Variants in CHRNA7 observed in about 807,000 individuals in gnomAD.
The protein encoded by CHRNA7 is cholinergic receptor nicotinic alpha 7 subunit, also known as neuronal acetylcholine receptor subunit alpha-7.
A neutral mutation model predicts 48.0 loss-of-function variants in CHRNA7; 17 were observed. That is an observed-to-expected ratio of 0.35 (90% CI 0.24 to 0.53). The LOEUF (loss-of-function observed/expected upper bound fraction) is 0.53. Among genes scored for constraint, CHRNA7 ranks in the 20% least tolerant of loss-of-function variants. The pLI is 0.92. For missense variants in CHRNA7, 155 were observed against 577.7 expected, an observed-to-expected ratio of 0.27 and a Z score of 7.50; for synonymous variants, 75 against 242.3, an observed-to-expected ratio of 0.31 and a Z score of 6.41.
chr15:32,134,898 G>A (rs887711947), intron 4 of CHRNA7, among the ~76,000 whole-genome samples: 1 of 152,356 alleles, frequency 6.6e-6, no homozygotes, highest in Middle Eastern at 3.4e-3. Flanking sequence ...GCAGTTTCCT[G>A]CGTGAATCAT....
chr15:32,110,579 G>A (rs527466997), intron 3 of CHRNA7, among the ~76,000 whole-genome samples: 16 of 152,296 alleles, frequency 1.1e-4, no homozygotes, highest in African/African-American at 3.4e-4. Flanking sequence ...CTCAGAGAAT[G>A]GTTGGTCTGG....
chr15:32,152,392 G>A (rs761510881), intron 4 of CHRNA7, among the ~76,000 whole-genome samples: 2 of 152,146 alleles, frequency 1.3e-5, no homozygotes, highest in African/African-American at 2.4e-5. Flanking sequence ...GCAGTGAGCC[G>A]AGATCGTGCC....
chr15:32,071,308 A>G (rs991439801), intron 2 of CHRNA7, among the ~76,000 whole-genome samples: 1 of 152,260 alleles, frequency 6.6e-6, no homozygotes, highest in African/African-American at 2.4e-5. Flanking sequence ...TATATCAACA[A>G]ATATATTACA....
chr15:32,102,146 G>A (rs569066624), intron 3 of CHRNA7: 18 of 152,008 alleles, frequency 1.2e-4, no homozygotes, highest in South Asian at 1.0e-3. Flanking sequence ...TTGTTTGTTC[G>A]TTTGTTTGTT....
chr15:32,086,123 A>G (rs534517268), intron 2 of CHRNA7, among the ~76,000 whole-genome samples: 2 of 152,238 alleles, frequency 1.3e-5, no homozygotes, highest in East Asian at 3.9e-4. Flanking sequence ...TAATCCCAGC[A>G]CTTTGGGAGG....
intron 3 of CHRNA7, chr15:32,101,764 A>G (rs1439638734): frequency 1.2e-5 from 2 of 166,034 alleles, no homozygotes; most frequent in Non-Finnish European, 2.6e-5. Flanking sequence ...AGGCCCTCGT[A>G]CTTTGTGCTC....
At position 32,138,307 on chromosome 15, in the gene CHRNA7, TTAGA is replaced by T. The variant is rs376846316; in HGVS notation, c.351-15594_351-15591del. On this transcript the variant is annotated intron_variant, in intron 4 of 9. Coordinates refer to ENST00000306901, the MANE Select transcript of CHRNA7 (RefSeq NM_000746.6). ...AATTTTATGCCAAAATTTTGGAAAC[TTAGA>T]TAGATTTAATATTTTCTAGAAAAAT... Among the ~76,000 whole-genome samples the T allele has an allele frequency of 2.4e-3, 370 of 152,176 alleles. 7 individuals are homozygous for T. Among genetic ancestry groups the T allele is most frequent in the African/African-American group, 8.3e-3 (343 of 41,508 alleles).
intron 2 of CHRNA7, chr15:32,099,680 T>C (rs943728271): frequency 6.6e-6 from 1 of 152,218 alleles, no homozygotes; most frequent in African/African-American, 2.4e-5. Flanking sequence ...CCTTAATAAG[T>C]TGAGGCAACA....
At chr15:32,099,320 G>A (rs2050530125) in intron 2 of CHRNA7, 1 of 152,306 alleles carries the variant, frequency 6.6e-6, no homozygotes, top group African/African-American at 2.4e-5. Flanking sequence ...AGATTGTTCT[G>A]GGAGCATGGT....
chr15:32,045,979 C>A (rs1475683947), intron 2 of CHRNA7, among the ~76,000 whole-genome samples: 1 of 151,292 alleles, frequency 6.6e-6, no homozygotes, highest in Non-Finnish European at 1.5e-5. Flanking sequence ...TCATCCATGT[C>A]CCTACAAAGG....
intron 2 of CHRNA7, among the ~76,000 whole-genome samples, chr15:32,082,812 G>C (rs2050236643): frequency 6.6e-6 from 1 of 152,074 alleles, no homozygotes; most frequent in Non-Finnish European, 1.5e-5. Context: ...AATGATCACT[G>C]TTTTTTAGTA....
chr15:32,128,658 T>G (rs1402574365), intron 4 of CHRNA7, among the ~76,000 whole-genome samples: 1 of 151,816 alleles, frequency 6.6e-6, no homozygotes, highest in Non-Finnish European at 1.5e-5. Flanking sequence ...TTTTTAATTG[T>G]TTTTGTTTTG....
chr15:32,136,758 G>A (rs887711067), intron 4 of CHRNA7, among the ~76,000 whole-genome samples: 2 of 151,212 alleles, frequency 1.3e-5, no homozygotes, highest in African/African-American at 4.9e-5. Context: ...GAAGGCCGGC[G>A]CGGTGGCTGA....
At chr15:32,098,911 T>TACACACACACAC (rs2050522573) in intron 2 of CHRNA7, 2 of 46,314 alleles carry the variant, frequency 4.3e-5, no homozygotes, top group Admixed American at 3.9e-4. Context: ...CACACACACT[T>TACACACACACAC]TTTATTCTAG....
chr15:32,124,804 C>G (rs926443394), intron 4 of CHRNA7, among the ~76,000 whole-genome samples: 1 of 152,134 alleles, frequency 6.6e-6, no homozygotes, highest in Non-Finnish European at 1.5e-5. Flanking sequence ...GGTGGAGTTT[C>G]ATGAATGGGA....
intron 3 of CHRNA7, chr15:32,103,078 G>A (rs188423763): frequency 2.6e-5 from 4 of 152,356 alleles, no homozygotes; most frequent in Admixed American, 2.6e-4. Flanking sequence ...TAAGATAAGA[G>A]AAATGTGCCC....
At chr15:32,030,483 TC>T, upstream of CHRNA7, 1 of 1,054,662 alleles carries the variant, frequency 9.5e-7, no homozygotes, top group Non-Finnish European at 1.2e-6. Context: ...CGCGCCCGGC[TC>T]CTTAAAGGCG....
intron 3 of CHRNA7, among the ~76,000 whole-genome samples, chr15:32,104,561 A>G (rs903135224): frequency 6.6e-6 from 1 of 152,082 alleles, no homozygotes; most frequent in Non-Finnish European, 1.5e-5. Flanking sequence ...CACCCTTAGA[A>G]TGTGTGCACA....
intron 2 of CHRNA7, 197 bp from the exon 3 acceptor site, chr15:32,101,106 A>G (rs1244604899): frequency 5.5e-6 from 3 of 548,062 alleles, no homozygotes; most frequent in Non-Finnish European, 9.4e-6. Flanking sequence ...TGTATAATAA[A>G]TGTGTCTTAC....
Sources: allele counts gnomAD v4.1 joint callset (sites outside exome capture counted in the v4.1 genomes callset), GRCh38; gene constraint gnomAD v4.1.1; transcripts MANE v1.5; gene names NCBI Gene and HGNC (gene_info 2026-07-23, HGNC 2026-07-21).